Variants in ARMC8 observed in about 807,000 individuals in gnomAD.
ARMC8 encodes armadillo repeat containing 8, also known as armadillo repeat-containing protein 8.
A neutral mutation model predicts 99.3 loss-of-function variants in ARMC8; 20 were observed. The observed-to-expected ratio is 0.20, with a 90% CI of 0.14 to 0.29. The LOEUF (loss-of-function observed/expected upper bound fraction) is 0.29. Among genes scored for constraint, ARMC8 ranks in the 10% least tolerant of loss-of-function variants. The probability of loss-of-function intolerance (pLI) is 1.00; values close to 1 mark genes in which losing one functional copy is unlikely to be tolerated. For synonymous variants in ARMC8, 263 were observed against 278.3 expected (o/e 0.95, Z 0.55); for missense variants, 569 against 809.5 (o/e 0.70, Z 3.60).
intron 7 of ARMC8, among the ~76,000 whole-genome samples, chr3:138,236,152 G>C (rs1240328550): frequency 6.6e-6 from 1 of 152,108 alleles, no homozygotes; most frequent in Admixed American, 6.5e-5. Context: ...CTACTAATGT[G>C]TATGTTTTCC....
intron 18 of ARMC8, among the ~76,000 whole-genome samples, chr3:138,276,808 T>TC (rs940387437): frequency 6.6e-6 from 1 of 152,166 alleles, no homozygotes; most frequent in African/African-American, 2.4e-5. Context: ...ATGTTGGTTC[T>TC]CCCCAAGTTG....
chr3:138,259,929 A>G (rs1267006732), intron 12 of ARMC8, among the ~76,000 whole-genome samples: 2 of 152,168 alleles, frequency 1.3e-5, no homozygotes, highest in Non-Finnish European at 1.5e-5. Context: ...TACTTGTTTC[A>G]GTGTGTGGCC....
At chr3:138,261,619 G>A (rs1453494991) in intron 12 of ARMC8, 1 of 152,192 alleles carries the variant, frequency 6.6e-6, no homozygotes, top group Non-Finnish European at 1.5e-5. Flanking sequence ...TTGTATATAT[G>A]CCCATTTAAA....
intron 6 of ARMC8, among the ~76,000 whole-genome samples, chr3:138,229,512 T>C (rs942468672): frequency 1.3e-5 from 2 of 151,904 alleles, no homozygotes; most frequent in African/African-American, 2.4e-5. Flanking sequence ...TCAAAGAATA[T>C]ATGTATTTGT....
At chr3:138,251,938 A>C (rs1559991394) in intron 12 of ARMC8, among the ~76,000 whole-genome samples, 6 of 152,334 alleles carry the variant, frequency 3.9e-5, no homozygotes, top group Non-Finnish European at 4.4e-5. Context: ...TAGATCTGTA[A>C]ATCTAAATGT....
At chr3:138,253,007 G>T (rs2047216102) in intron 12 of ARMC8, among the ~76,000 whole-genome samples, 1 of 152,048 alleles carries the variant, frequency 6.6e-6, no homozygotes, top group Middle Eastern at 3.4e-3. Flanking sequence ...AGAAAAATTA[G>T]ATTAAAACTA....
At chr3:138,270,262 T>C in intron 16 of ARMC8, 130 bp downstream of exon 16, 1 of 703,114 alleles carries the variant, frequency 1.4e-6, no homozygotes, top group Non-Finnish European at 2.3e-6. Flanking sequence ...TTGTTCTAGT[T>C]TTCTAATGAC....
chr3:138,258,667 T>A (rs1470043878), intron 12 of ARMC8, among the ~76,000 whole-genome samples: 3 of 152,208 alleles, frequency 2.0e-5, no homozygotes, highest in African/African-American at 7.2e-5. Context: ...TATCCACTCC[T>A]GCAAGAGCAG....
chr3:138,238,097 C>T (rs2046424779), intron 9 of ARMC8: 1 of 147,994 alleles, frequency 6.8e-6, no homozygotes, highest in South Asian at 2.1e-4. Context: ...GACGGAGTCT[C>T]ACTCTGTCAC....
intron 2 of ARMC8, among the ~76,000 whole-genome samples, chr3:138,221,359 T>C (rs1353960976): frequency 6.6e-6 from 1 of 152,142 alleles, no homozygotes; most frequent in Admixed American, 6.5e-5. Context: ...TATGCAAGGC[T>C]CTTAAAATAC....
chr3:138,269,071 A>G (rs1485470168), intron 15 of ARMC8, among the ~76,000 whole-genome samples: 1 of 152,216 alleles, frequency 6.6e-6, no homozygotes, highest in Non-Finnish European at 1.5e-5. Flanking sequence ...GATTAGGTAC[A>G]TAGTACGAGA....
At chr3:138,270,013 ATT>A (rs112482442) in intron 15 of ARMC8, 25 bp from the exon 16 acceptor site, 2 of 1,420,848 alleles carry the variant, frequency 1.4e-6, no homozygotes, top group South Asian at 1.2e-5. Flanking sequence ...TAAAGCTGTG[ATT>A]TTTTTTTTCC....
chr3:138,229,184 GTATA>G lies in ARMC8; in HGVS notation c.528+176_528+179del, dbSNP rs1260368069. 3 of 21,004 alleles carry G rather than the reference GTATA, an allele frequency of 1.4e-4. 1 individual carries two copies. In the Admixed American group the frequency reaches 1.5e-3, roughly 10 times the overall value. The allele number at this position is 21,004 out of a possible 1,614,324, so 1.3% of individuals were successfully genotyped here. ...TATATATATATATATATATATATATGTATATGTATATGTATATGTATATATAAAA... is the reference window on the plus strand; with the variant it reads ...TATATATATATATATATATATATATGTGTATATGTATATGTATATATAAAA... On this transcript the variant is annotated intron_variant, in intron 6 of 21. Transcript: ENST00000469044.
At chr3:138,270,494 T>C (rs146049558) in intron 16 of ARMC8, among the ~76,000 whole-genome samples, 105 of 152,304 alleles carry the variant, frequency 6.9e-4, no homozygotes, top group African/African-American at 2.4e-3. Context: ...AACTTTATGA[T>C]ACCAACCAGA....
chr3:138,264,332 G>GT, intron 14 of ARMC8, 120 bp downstream of exon 14: 1 of 636,682 alleles, frequency 1.6e-6, no homozygotes. Context: ...CATTTTGAAC[G>GT]TTTATCTCCT....
intron 1 of ARMC8, among the ~76,000 whole-genome samples, chr3:138,190,768 T>C (rs2043338459): frequency 6.6e-6 from 1 of 152,222 alleles, no homozygotes; most frequent in South Asian, 2.1e-4. Context: ...TGCCATTTGC[T>C]AGGCAAGCAT....
At chr3:138,278,653 C>T (rs1041655651) in intron 18 of ARMC8, among the ~76,000 whole-genome samples, 5 of 152,056 alleles carry the variant, frequency 3.3e-5, no homozygotes, top group Admixed American at 6.6e-5. Flanking sequence ...TTTGGGAGGA[C>T]GTGACATCTT....
At chr3:138,263,553 T>C in intron 12 of ARMC8, 186 bp from the exon 13 acceptor site, 2 of 610,898 alleles carry the variant, frequency 3.3e-6, no homozygotes, top group South Asian at 3.8e-5. Context: ...GGCAGGTCCT[T>C]AGTGGGCTAG....
intron 5 of ARMC8, among the ~76,000 whole-genome samples, chr3:138,226,159 A>AT (rs1230042237): frequency 6.6e-6 from 1 of 151,684 alleles, no homozygotes; most frequent in African/African-American, 2.4e-5. Context: ...TGACCGGCTA[A>AT]TTTTTTTTGT....
Sources: gnomAD v4.1 joint callset for allele counts (sites outside exome capture counted in the v4.1 genomes callset) on GRCh38, gnomAD v4.1.1 for gene constraint, MANE v1.5 for transcripts, NCBI Gene and HGNC (gene_info 2026-07-23, HGNC 2026-07-21) for gene names.